The following TRDN variants were observed in gnomAD, a reference collection of about 807,000 sequenced individuals.
TRDN encodes the protein triadin, also known as triadin in skeletal muscle.
A neutral mutation model predicts 149.7 loss-of-function variants in TRDN; 161 were observed. The ratio of observed to expected loss-of-function variants is 1.08; its 90% CI spans 0.95 to 1.23. The LOEUF (loss-of-function observed/expected upper bound fraction) is 1.23, where lower values mean the gene tolerates loss of function less well. Among genes scored for constraint, TRDN ranks in the 50% most tolerant of loss-of-function variants. The pLI, the probability that TRDN is intolerant of heterozygous loss-of-function variation, is 0.00. For missense variants in TRDN, 896 were observed against 823.5 expected (o/e 1.09, Z -1.08); for synonymous variants, 294 against 250.5 (o/e 1.17, Z -1.64).
rs796874348 is a variant in TRDN, at chr6:123,433,162, A to ATATATAAT, written c.1051+4900_1051+4901insATTATATA. 1.9e-3 allele frequency among the ~76,000 whole-genome samples: 149 copies of ATATATAAT among 80,010 alleles called. 2 individuals are homozygous for ATATATAAT. The highest frequency in any genetic ancestry group is 2.2e-3 in the Admixed American group (16 of 7,392). 52.5% of individuals were successfully genotyped at this position (80,010 alleles called of 152,430 possible). A position where few individuals can be genotyped will look rare whatever the true frequency, so the allele number is the denominator to read the frequency against. ...ATCATAAATATATATATATATATAT[A>ATATATAAT]ATATATATATATATATATATACATC... On this transcript the variant is annotated intron_variant, in intron 12 of 40. Coordinates refer to ENST00000334268, the MANE Select transcript of TRDN (RefSeq NM_006073.4).
At chr6:123,491,068 TGCACTCCAGCCTGGCGAC>T (rs1160101328) in intron 9 of TRDN, among the ~76,000 whole-genome samples, 2 of 148,240 alleles carry the variant, frequency 1.3e-5, no homozygotes, top group East Asian at 4.0e-4. Context: ...ATGGCACCAC[TGCACTCCAGCCTGGCGAC>T]AGAGTGAGAC....
At chr6:123,561,469 T>TA (rs1355244570) in intron 2 of TRDN, among the ~76,000 whole-genome samples, 1 of 152,118 alleles carries the variant, frequency 6.6e-6, no homozygotes, top group African/African-American at 2.4e-5. Flanking sequence ...CACTCCTTTT[T>TA]ATTAGGCCCC....
At chr6:123,419,585 C>T (rs956223173) in intron 12 of TRDN, among the ~76,000 whole-genome samples, 1 of 152,012 alleles carries the variant, frequency 6.6e-6, no homozygotes, top group Non-Finnish European at 1.5e-5. Flanking sequence ...ACTATGTTGC[C>T]CAGGCTGGTC....
rs1777250309 is a variant in TRDN at position 123,272,908 on chromosome 6, C to T, written c.1672+56G>A. The T allele has an allele frequency of 2.4e-5, 30 of 1,267,898 alleles. No individual in the cohort carries two copies. The East Asian group carries it at 8.0e-4, about 34-fold the overall frequency. 78.5% of individuals were successfully genotyped at this position (1,267,898 alleles called of 1,614,324 possible). ...ACTTGACTCTAAACTCTTCCTTCTG[C>T]TAAAATTAGAACATTGAGAGGTTAT... On this transcript the variant is annotated intron_variant, in intron 29 of 40. Transcript: ENST00000334268.
chr6:123,434,098 G>A (rs923094728), intron 12 of TRDN: 2 of 152,108 alleles, frequency 1.3e-5, no homozygotes, highest in African/African-American at 4.8e-5. Context: ...TTGCTTAGTT[G>A]TGTCATCCTT....
At chr6:123,222,672 G>A (rs1053959191) in intron 39 of TRDN, among the ~76,000 whole-genome samples, 8 of 151,652 alleles carry the variant, frequency 5.3e-5, no homozygotes, top group Admixed American at 6.6e-5. Context: ...CAATGCTTAG[G>A]CAAATACTTA....
At chr6:123,418,489 CCATACAA>C (rs1773749637) in intron 12 of TRDN, 1 of 152,042 alleles carries the variant, frequency 6.6e-6, no homozygotes, top group Middle Eastern at 3.2e-3. Context: ...GGCAATGATA[CCATACAA>C]CATACTTTCA....
intron 12 of TRDN, among the ~76,000 whole-genome samples, chr6:123,400,167 G>GCATATATATA (rs1772898743): frequency 8.1e-6 from 1 of 123,396 alleles, no homozygotes; most frequent in Non-Finnish European, 1.7e-5. Context: ...ATATGTATGT[G>GCATATATATA]TATATATATA....
chr6:123,562,904 G>A (rs1782077675), intron 2 of TRDN, among the ~76,000 whole-genome samples: 1 of 152,162 alleles, frequency 6.6e-6, no homozygotes, highest in Admixed American at 6.5e-5. Flanking sequence ...ATCTACATTT[G>A]AATAGTCATA....
intron 10 of TRDN, chr6:123,456,836 T>A: frequency 2.2e-6 from 1 of 456,024 alleles, no homozygotes; most frequent in South Asian, 1.5e-5. Context: ...TGCAGCCACT[T>A]TTCTCACTCA....
chr6:123,289,426 T>A (rs1777920279), intron 24 of TRDN, among the ~76,000 whole-genome samples: 1 of 151,964 alleles, frequency 6.6e-6, no homozygotes, highest in African/African-American at 2.4e-5. Flanking sequence ...CTCATGGCGA[T>A]CACAGTCAAT....
chr6:123,242,387 T>C (rs1776022116), intron 38 of TRDN, among the ~76,000 whole-genome samples: 1 of 152,090 alleles, frequency 6.6e-6, no homozygotes, highest in African/African-American at 2.4e-5. Flanking sequence ...TATAATAAAA[T>C]CTCACACATC....
intron 24 of TRDN, among the ~76,000 whole-genome samples, chr6:123,307,236 CT>C (rs1212317514): frequency 3.9e-5 from 6 of 151,990 alleles, no homozygotes; most frequent in African/African-American, 1.4e-4. Context: ...TTTAATTTAT[CT>C]TTTCATTATT....
intron 21 of TRDN, 40 bp from the exon 22 acceptor site, chr6:123,337,709 AAG>A: frequency 8.0e-7 from 1 of 1,255,208 alleles, no homozygotes. Context: ...TACAAGGAAT[AAG>A]AGAGGAAAAA....
chr6:123,257,996 C>G (rs191841871), intron 35 of TRDN, among the ~76,000 whole-genome samples: 4 of 152,304 alleles, frequency 2.6e-5, no homozygotes, highest in Admixed American at 2.6e-4. Flanking sequence ...TATCTTGAGA[C>G]TTTGCTGAAG....
At chr6:123,463,982 T>A (rs1227722162) in intron 10 of TRDN, among the ~76,000 whole-genome samples, 2 of 152,158 alleles carry the variant, frequency 1.3e-5, no homozygotes, top group African/African-American at 2.4e-5. Context: ...ACACAGAAGA[T>A]CTTTTCCAAT....
intron 21 of TRDN, among the ~76,000 whole-genome samples, chr6:123,343,904 C>A (rs937376854): frequency 5.9e-5 from 9 of 152,034 alleles, no homozygotes; most frequent in Admixed American, 6.6e-5. Flanking sequence ...TGGTATGGCA[C>A]CTCTGGCAGA....
chr6:123,505,608 G>C (rs906553196), intron 7 of TRDN, among the ~76,000 whole-genome samples: 3 of 151,686 alleles, frequency 2.0e-5, no homozygotes, highest in Non-Finnish European at 4.4e-5. Context: ...GAAGTGTATT[G>C]AGAATTTTTA....
intron 2 of TRDN, among the ~76,000 whole-genome samples, chr6:123,569,714 G>A (rs1782464464): frequency 6.6e-6 from 1 of 152,056 alleles, no homozygotes; most frequent in African/African-American, 2.4e-5. Flanking sequence ...GAGGGAGAGA[G>A]TGGAGCAGGG....
Sources: gnomAD v4.1 joint callset for allele counts (sites outside exome capture counted in the v4.1 genomes callset) on GRCh38, gnomAD v4.1.1 for gene constraint, MANE v1.5 for transcripts, NCBI Gene and HGNC (gene_info 2026-07-23, HGNC 2026-07-21) for gene names.